DENND5A: variants seen among roughly 807,000 people sequenced by gnomAD.
DENND5A encodes DENN domain-containing protein 5A.
DENND5A carries 64 observed loss-of-function variants against 140.3 expected under a neutral mutation model. The ratio of observed to expected loss-of-function variants is 0.46; its 90% confidence interval spans 0.37 to 0.56. The LOEUF is 0.56. Ranked by LOEUF, DENND5A falls within the 20% of genes least tolerant of loss-of-function variation. DENND5A has a pLI of 0.00. For synonymous variants in DENND5A, 605 were observed against 607.7 expected (o/e 1.00, Z 0.07); for missense variants, 1,292 against 1,593.8 (o/e 0.81, Z 3.22).
At chr11:9,141,418 G>A (rs1233116061) in intron 22 of DENND5A, among the ~76,000 whole-genome samples, 2 of 152,088 alleles carry the variant, frequency 1.3e-5, no homozygotes, top group African/African-American at 2.4e-5. Flanking sequence ...AGACAGTTTC[G>A]TCACCATGCG....
intron 1 of DENND5A, among the ~76,000 whole-genome samples, chr11:9,209,182 T>C (rs977958600): frequency 4.9e-4 from 75 of 152,138 alleles, no homozygotes; most frequent in Non-Finnish European, 1.3e-4. Context: ...TCAGGACAAC[T>C]ATCACCGTTC....
chr11:9,177,075 C>T (rs541556478), intron 8 of DENND5A, among the ~76,000 whole-genome samples: 4 of 151,592 alleles, frequency 2.6e-5, no homozygotes, highest in South Asian at 2.1e-4. Context: ...GGCAACATGG[C>T]GAGACTCTGT....
chr11:9,162,617 A>G (rs1242452671), intron 11 of DENND5A, among the ~76,000 whole-genome samples: 4 of 152,104 alleles, frequency 2.6e-5, no homozygotes, highest in Non-Finnish European at 2.9e-5. Context: ...TTCCCACTCT[A>G]GAAGTGACCA....
At chr11:9,189,820 A>G (rs1849053306) in intron 5 of DENND5A, among the ~76,000 whole-genome samples, 1 of 151,986 alleles carries the variant, frequency 6.6e-6, no homozygotes, top group Non-Finnish European at 1.5e-5. Flanking sequence ...TTGTGTTTTA[A>G]GTAGAGATGG....
chr11:9,265,106 G>A lies in DENND5A; in HGVS notation c.-37C>T, dbSNP rs766926668. The A allele has an allele frequency of 1.6e-5, 19 of 1,223,386 alleles. No individual in the cohort carries two copies. Among genetic ancestry groups the A allele is most frequent in the Admixed American group, 4.5e-5 (1 of 22,198 alleles). 75.8% of individuals were successfully genotyped at this position (1,223,386 alleles called of 1,614,324 possible). Reference sequence around the variant, plus strand: ...CGAGACCGGCCGGGCAGTGCGGAGCGGCACCGAGCCCCCGCAACCCGGGCG... The same window carrying A: ...CGAGACCGGCCGGGCAGTGCGGAGCAGCACCGAGCCCCCGCAACCCGGGCG... On this transcript the variant is annotated 5_prime_UTR_variant, in exon 1 of 23. Coordinates refer to ENST00000328194, the MANE Select transcript of DENND5A (RefSeq NM_015213.4). The surrounding 1 kb of genome is among the most constrained non-coding windows in gnomAD (Gnocchi z 4.7).
At chr11:9,202,182 T>C (rs959059571) in intron 4 of DENND5A, among the ~76,000 whole-genome samples, 6 of 152,192 alleles carry the variant, frequency 3.9e-5, no homozygotes, top group African/African-American at 1.4e-4. Context: ...AAAATGTCTA[T>C]GTCATGAAAG....
chr11:9,191,708 G>A (rs751785548), intron 5 of DENND5A, among the ~76,000 whole-genome samples: 26 of 152,190 alleles, frequency 1.7e-4, no homozygotes, highest in Admixed American at 5.2e-4. Context: ...GAAAGCTGAT[G>A]CCAAAGAGGA....
intron 5 of DENND5A, among the ~76,000 whole-genome samples, chr11:9,185,148 G>A (rs772538999): frequency 4.6e-5 from 7 of 152,084 alleles, no homozygotes; most frequent in South Asian, 2.1e-4. Flanking sequence ...TCGAGATTGC[G>A]CCACTGCACT....
intron 1 of DENND5A, among the ~76,000 whole-genome samples, chr11:9,250,178 G>A (rs568160902): frequency 6.6e-6 from 1 of 151,734 alleles, no homozygotes; most frequent in Non-Finnish European, 1.5e-5. Flanking sequence ...AGGCTACACT[G>A]AGGGATTTCT....
chr11:9,221,983 TC>T (rs1850332888), intron 1 of DENND5A, among the ~76,000 whole-genome samples: 1 of 150,722 alleles, frequency 6.6e-6, no homozygotes, highest in African/African-American at 2.4e-5. Flanking sequence ...GGTCTTGATC[TC>T]CTGACCTCAT....
At chr11:9,185,230 T>G (rs1396386066) in intron 5 of DENND5A, among the ~76,000 whole-genome samples, 2 of 152,192 alleles carry the variant, frequency 1.3e-5, no homozygotes, top group Non-Finnish European at 2.9e-5. Flanking sequence ...TTTATTTTCT[T>G]TGATGGATAG....
intron 5 of DENND5A, among the ~76,000 whole-genome samples, chr11:9,188,166 T>A (rs73402346): frequency 0.043 from 6,530 of 152,222 alleles, 431 homozygotes; most frequent in African/African-American, 0.15. Flanking sequence ...CTTGTGACAG[T>A]GAATAAGTCT....
intron 5 of DENND5A, among the ~76,000 whole-genome samples, chr11:9,182,311 C>G (rs981313853): frequency 6.6e-6 from 1 of 152,090 alleles, no homozygotes; most frequent in Non-Finnish European, 1.5e-5. Flanking sequence ...GTGAGACTCC[C>G]TCTCAAAAAA....
chr11:9,147,378 AG>A (rs1444235008), intron 15 of DENND5A, among the ~76,000 whole-genome samples: 3 of 152,194 alleles, frequency 2.0e-5, no homozygotes, highest in African/African-American at 7.2e-5. Flanking sequence ...CCTGTGTCCA[AG>A]GTATGTTGAT....
Position 9,179,022 on chromosome 11 carries a change from C to T in DENND5A, c.1507G>A (p.Asp503Asn). The T allele has an allele frequency of 6.2e-7, 1 of 1,614,160 alleles. No homozygotes were observed. Among genetic ancestry groups the T allele is most frequent in the Non-Finnish European group, 8.5e-7 (1 of 1,180,028 alleles). ...TGGTAAATCCTGAGTTCTTCTTCAT[C>T]ACACTGAACTTTGAGATCCTTATTG... ...SSNKDLKVQC[D>N]EEELRIYQLN... The change falls in exon 7 of 23, where the codon GAT becomes AAT. Residue 503 changes from aspartate (D) to asparagine (N), a missense_variant. Physicochemically the swap from Asp to Asn is conservative, Grantham distance 23. This residue lies in a region of DENND5A where 566 missense variants were observed against 650.4 expected (regional missense o/e 0.87). Coordinates refer to ENST00000328194, the MANE Select transcript of DENND5A (RefSeq NM_015213.4).
intron 1 of DENND5A, among the ~76,000 whole-genome samples, chr11:9,214,921 A>G (rs750303092): frequency 3.3e-5 from 5 of 151,994 alleles, no homozygotes; most frequent in Non-Finnish European, 5.9e-5. Context: ...ATGGGGTTTT[A>G]CCACATTAGC....
intron 1 of DENND5A, among the ~76,000 whole-genome samples, chr11:9,238,371 A>G (rs1851090535): frequency 6.6e-6 from 1 of 151,520 alleles, no homozygotes; most frequent in Non-Finnish European, 1.5e-5. Context: ...ATATATATAT[A>G]TTAAGCTATA....
In DENND5A at chr11:9,231,725, A is replaced by C. The variant is rs1015986218; in HGVS notation, c.110-24093T>G. 3.9e-4 allele frequency among the ~76,000 whole-genome samples: 59 copies of C among 151,070 alleles called. 2 individuals are homozygous for C. Among genetic ancestry groups the C allele is most frequent in the African/African-American group, 1.4e-3 (58 of 41,194 alleles). ...AGCGAAACTCCGTCTCAAAAAAAAAAAAAAAAAGACTCTGGGAGCTTCCTG... is the reference window on the plus strand; with the variant it reads ...AGCGAAACTCCGTCTCAAAAAAAAACAAAAAAAGACTCTGGGAGCTTCCTG... On this transcript the variant is annotated intron_variant, in intron 1 of 22. Transcript: ENST00000328194.
rs117599350 is a variant in DENND5A at position 9,221,086 on chromosome 11, A to C, written c.110-13454T>G. ...GAGAGAGCAAGACACTGTCTAAAAA[A>C]AGAATACAAACCCAAAAAACAAAAA... On this transcript the variant is annotated intron_variant, in intron 1 of 22. Transcript: ENST00000328194. 8.0e-4 allele frequency among the ~76,000 whole-genome samples: 121 copies of C among 152,106 alleles called. No individual in the cohort carries two copies. The East Asian group carries it at 0.021, about 27-fold the overall frequency.
Sources: gnomAD v4.1 joint callset for allele counts (sites outside exome capture counted in the v4.1 genomes callset) on GRCh38, gnomAD v4.1.1 for gene constraint, gnomAD v4.1.1 regional missense constraint, Gnocchi (gnomAD v3.1) non-coding constraint, MANE v1.5 for transcripts, NCBI Gene and HGNC (gene_info 2026-07-23, HGNC 2026-07-21) for gene names.